DCLK1: variants seen among roughly 807,000 people sequenced by gnomAD.
The protein encoded by DCLK1 is serine/threonine-protein kinase DCLK1.
Under a neutral mutation model 86.2 loss-of-function variants are expected in DCLK1, and 16 were observed. That is an observed-to-expected ratio of 0.19 (90% CI 0.13 to 0.28). The LOEUF is 0.28. Among genes scored for constraint, DCLK1 ranks in the 10% least tolerant of loss-of-function variants. The pLI is 1.00. For missense variants in DCLK1, 590 were observed against 940.2 expected, an observed-to-expected ratio of 0.63 and a Z score of 4.87; for synonymous variants, 369 against 370.5, an observed-to-expected ratio of 1.00 and a Z score of 0.05.
At chr13:35,978,203 CTTTTTTTTTT>C (rs11311688) in intron 3 of DCLK1, among the ~76,000 whole-genome samples, 4 of 82,758 alleles carry the variant, frequency 4.8e-5, no homozygotes, top group East Asian at 3.8e-4. Flanking sequence ...CTTTTCTTTT[CTTTTTTTTTT>C]TTTTTTTTTT....
At chr13:36,008,177 T>TA (rs1457477296) in intron 3 of DCLK1, among the ~76,000 whole-genome samples, 1 of 139,052 alleles carries the variant, frequency 7.2e-6, no homozygotes, top group Admixed American at 7.5e-5. Flanking sequence ...CCATCTTTTT[T>TA]TTTTCAGAGT....
chr13:35,846,445 G>T, intron 6 of DCLK1: 1 of 985,152 alleles, frequency 1.0e-6, no homozygotes, highest in Non-Finnish European at 1.2e-6. Flanking sequence ...AAACACTCAG[G>T]TATTACATGC....
intron 15 of DCLK1, among the ~76,000 whole-genome samples, chr13:35,799,756 T>G (rs1312892185): frequency 6.6e-6 from 1 of 152,198 alleles, no homozygotes; most frequent in African/African-American, 2.4e-5. Context: ...AATTTTTTTC[T>G]GGAAATGTCA....
intron 2 of DCLK1, among the ~76,000 whole-genome samples, chr13:36,122,733 T>C (rs1207872446): frequency 2.0e-5 from 3 of 152,182 alleles, no homozygotes; most frequent in Admixed American, 2.0e-4. Flanking sequence ...ATTAAGGCCA[T>C]TTTGAAAGCA....
chr13:35,887,347 T>TG (rs1231962998), intron 4 of DCLK1, among the ~76,000 whole-genome samples: 2 of 152,190 alleles, frequency 1.3e-5, no homozygotes, highest in Non-Finnish European at 2.9e-5. Flanking sequence ...GCAGCTCCAG[T>TG]GGGTCTTTAA....
intron 3 of DCLK1, among the ~76,000 whole-genome samples, chr13:36,042,606 C>T (rs917372083): frequency 6.6e-6 from 1 of 152,130 alleles, no homozygotes; most frequent in Non-Finnish European, 1.5e-5. Flanking sequence ...AGGGTACAAA[C>T]AGCTACAAAA....
intron 3 of DCLK1, among the ~76,000 whole-genome samples, chr13:36,032,128 C>CTTTTCTTTTTTTTTCTT (rs915475618): frequency 6.6e-6 from 1 of 151,464 alleles, no homozygotes; most frequent in Non-Finnish European, 1.5e-5. Flanking sequence ...TTTTCTTTTT[C>CTTTTCTTTTTTTTTCTT]TTTTCTTTTT....
chr13:35,912,288 A>T (rs1875087550), intron 4 of DCLK1, among the ~76,000 whole-genome samples: 1 of 152,186 alleles, frequency 6.6e-6, no homozygotes, highest in South Asian at 2.1e-4. Context: ...TGAGCCAAAA[A>T]GCCACAGCAC....
At chr13:35,837,832 G>A (rs536682580) in intron 7 of DCLK1, among the ~76,000 whole-genome samples, 7 of 152,156 alleles carry the variant, frequency 4.6e-5, no homozygotes, top group African/African-American at 1.4e-4. Flanking sequence ...TTGGGAGGCC[G>A]AGGCAGTTGG....
chr13:36,005,282 A>T (rs1259743220), intron 3 of DCLK1, among the ~76,000 whole-genome samples: 1 of 152,222 alleles, frequency 6.6e-6, no homozygotes, highest in Admixed American at 6.5e-5. Flanking sequence ...AATGTTTCTA[A>T]TAAAAGGTAT....
intron 16 of DCLK1, among the ~76,000 whole-genome samples, chr13:35,782,333 C>A (rs1017797864): frequency 5.9e-5 from 9 of 152,054 alleles, no homozygotes; most frequent in Non-Finnish European, 1.3e-4. Context: ...TTCCTCTGCC[C>A]GACAGCCCCT....
chr13:35,831,060 C>T (rs529402899), intron 8 of DCLK1, among the ~76,000 whole-genome samples: 3 of 152,272 alleles, frequency 2.0e-5, no homozygotes, highest in Admixed American at 6.5e-5. Flanking sequence ...CAGGTTCTGT[C>T]CTGAGCCTAC....
chr13:35,872,179 C>T (rs76551442), intron 4 of DCLK1, among the ~76,000 whole-genome samples: 3,715 of 152,178 alleles, frequency 0.024, 161 homozygotes, highest in African/African-American at 0.084. Flanking sequence ...AAAATATATG[C>T]TTGTAAGGAT....
At chr13:35,963,482 T>A (rs959381592) in intron 3 of DCLK1, among the ~76,000 whole-genome samples, 1 of 152,214 alleles carries the variant, frequency 6.6e-6, no homozygotes. Context: ...AATTGGCTTA[T>A]GCTGAGAGGT....
chr13:36,029,815 G>A (rs1882198408), intron 3 of DCLK1, among the ~76,000 whole-genome samples: 1 of 152,178 alleles, frequency 6.6e-6, no homozygotes, highest in South Asian at 2.1e-4. Flanking sequence ...GATATTTAGT[G>A]ATACCTACAT....
chr13:36,044,370 G>C (rs1039231532), intron 3 of DCLK1, among the ~76,000 whole-genome samples: 1 of 152,152 alleles, frequency 6.6e-6, no homozygotes, highest in African/African-American at 2.4e-5. Flanking sequence ...GGGAAGTCCA[G>C]TTTTTATTTT....
At chr13:35,925,717 G>GC (rs1376310817) in intron 4 of DCLK1, among the ~76,000 whole-genome samples, 3 of 152,120 alleles carry the variant, frequency 2.0e-5, no homozygotes, top group African/African-American at 7.2e-5. Flanking sequence ...TTTGGTTGTT[G>GC]TTTTTATTTT....
intron 3 of DCLK1, among the ~76,000 whole-genome samples, chr13:35,995,700 T>A (rs1402194095): frequency 6.6e-6 from 1 of 152,210 alleles, no homozygotes; most frequent in Admixed American, 6.5e-5. Flanking sequence ...AATAGAAGAC[T>A]GCTTATTTTT....
At chr13:35,776,815 A>G (rs1566525827) in intron 16 of DCLK1, among the ~76,000 whole-genome samples, 1 of 152,092 alleles carries the variant, frequency 6.6e-6, no homozygotes. Flanking sequence ...CACCTTCTTG[A>G]TATTTACTTC....
Sources: allele counts gnomAD v4.1 joint callset (sites outside exome capture counted in the v4.1 genomes callset), GRCh38; gene constraint gnomAD v4.1.1; transcripts MANE v1.5; gene names NCBI Gene and HGNC (gene_info 2026-07-23, HGNC 2026-07-21).